The following LHFPL3 variants were observed in gnomAD, a reference collection of about 807,000 sequenced individuals.
LHFPL3 encodes LHFPL tetraspan subfamily member 3 protein.
LHFPL3 carries 5 observed loss-of-function variants against 19.3 expected under a neutral mutation model. That is an observed-to-expected ratio of 0.26 (90% CI 0.14 to 0.54). The LOEUF is 0.54. LHFPL3 is among the 20% of genes least tolerant of loss of function. LHFPL3 has a pLI of 0.94. For synonymous variants in LHFPL3, 133 were observed against 126.2 expected, an observed-to-expected ratio of 1.05 and a Z score of -0.36; for missense variants, 249 against 307.4, an observed-to-expected ratio of 0.81 and a Z score of 1.42.
Position 104,811,162 on chromosome 7 carries a change from CTTTCTTTCTTTTCTTTTCT to C in LHFPL3, c.682+74259_682+74277del, listed in dbSNP as rs371195824. Among the ~76,000 whole-genome samples the C allele has an allele frequency of 8.3e-3, 1,112 of 134,228 alleles. 14 individuals are homozygous for C. Among genetic ancestry groups the C allele is most frequent in the African/African-American group, 0.022 (783 of 35,514 alleles). 88.1% of individuals were successfully genotyped at this position (134,228 alleles called of 152,430 possible). A position where few individuals can be genotyped will look rare whatever the true frequency, so the allele number is the denominator to read the frequency against. On this transcript the variant is annotated intron_variant, in intron 2 of 2. Transcript: ENST00000424859. ...TTCCTTTCTTTCTTTTTCTTTCTTT[CTTTCTTTCTTTTCTTTTCT>C]TTTCTTTTCTTTTCTTTTCTTTTCT...
chr7:104,391,719 A>G (rs1791072631), intron 1 of LHFPL3, among the ~76,000 whole-genome samples: 1 of 152,146 alleles, frequency 6.6e-6, no homozygotes, highest in Admixed American at 6.5e-5. Context: ...CAATTCTGTG[A>G]AGAAAGTCAT....
intron 2 of LHFPL3, among the ~76,000 whole-genome samples, chr7:104,773,206 G>T (rs1247479162): frequency 6.6e-6 from 1 of 152,168 alleles, no homozygotes; most frequent in East Asian, 1.9e-4. Context: ...GGCAGTGAGG[G>T]GCCACTGGCT....
chr7:104,641,708 T>C (rs1473163806), intron 1 of LHFPL3, among the ~76,000 whole-genome samples: 1 of 152,192 alleles, frequency 6.6e-6, no homozygotes, highest in African/African-American at 2.4e-5. Context: ...AAGCTTTATA[T>C]GATAGGAGAA....
intron 1 of LHFPL3, among the ~76,000 whole-genome samples, chr7:104,343,783 T>C (rs1790009795): frequency 6.6e-6 from 1 of 151,922 alleles, no homozygotes; most frequent in African/African-American, 2.4e-5. Context: ...ACCATTTGTG[T>C]ACCTGCTACC....
At chr7:104,706,043 C>T (rs1321183216) in intron 1 of LHFPL3, among the ~76,000 whole-genome samples, 1 of 152,206 alleles carries the variant, frequency 6.6e-6, no homozygotes, top group Admixed American at 6.5e-5. Context: ...CCAGCAGCAT[C>T]ATTTTGTTCA....
chr7:104,636,179 T>G (rs2069940709), intron 1 of LHFPL3, among the ~76,000 whole-genome samples: 1 of 152,126 alleles, frequency 6.6e-6, no homozygotes, highest in Admixed American at 6.5e-5. Flanking sequence ...AGGAAGAATA[T>G]TCACCTACCA....
At chr7:104,697,720 T>A (rs1243045833) in intron 1 of LHFPL3, among the ~76,000 whole-genome samples, 1 of 152,256 alleles carries the variant, frequency 6.6e-6, no homozygotes, top group African/African-American at 2.4e-5. Context: ...GTCTTTATAA[T>A]TGAGTTTTAC....
intron 1 of LHFPL3, among the ~76,000 whole-genome samples, chr7:104,499,246 A>G (rs1020083461): frequency 3.3e-5 from 5 of 152,228 alleles, no homozygotes; most frequent in African/African-American, 4.8e-5. Context: ...TAATGTTAGA[A>G]ACACCACTTA....
At chr7:104,595,774 GC>G (rs1312143455) in intron 1 of LHFPL3, among the ~76,000 whole-genome samples, 1 of 152,228 alleles carries the variant, frequency 6.6e-6, no homozygotes, top group East Asian at 1.9e-4. Context: ...AATGGCAGAC[GC>G]CCCTCCCCCA....
intron 1 of LHFPL3, among the ~76,000 whole-genome samples, chr7:104,409,662 A>G (rs1033872436): frequency 1.3e-5 from 2 of 152,166 alleles, no homozygotes; most frequent in Non-Finnish European, 2.9e-5. Flanking sequence ...AAAATACTGA[A>G]AAGTTAAGAA....
At position 104,836,635 on chromosome 7, in the gene LHFPL3, C is replaced by T. The variant is rs192150692; in HGVS notation, c.683-69552C>T. Among the ~76,000 whole-genome samples, 10 of 152,264 alleles carry T rather than the reference C, an allele frequency of 6.6e-5. No homozygotes were observed. In the East Asian group the frequency reaches 7.7e-4, roughly 12 times the overall value. The stretch of plus-strand genomic sequence containing the variant: ...TCCAGGAAAGATCATATCAGGGCTA[C>T]GGTGCCATGAAGGTTGGGTCCTACA... On this transcript the variant is annotated intron_variant, in intron 2 of 2. Transcript: ENST00000424859.
At chr7:104,563,961 T>C (rs560377130) in intron 1 of LHFPL3, among the ~76,000 whole-genome samples, 4 of 152,324 alleles carry the variant, frequency 2.6e-5, no homozygotes, top group African/African-American at 9.6e-5. Flanking sequence ...CTTTCTGCCA[T>C]AGAAAATACC....
intron 2 of LHFPL3, among the ~76,000 whole-genome samples, chr7:104,822,592 G>C (rs1790696291): frequency 6.6e-6 from 1 of 152,148 alleles, no homozygotes; most frequent in Non-Finnish European, 1.5e-5. Context: ...TGCCACATGA[G>C]AGTGAAAATT....
At chr7:104,449,541 A>G (rs1792392410) in intron 1 of LHFPL3, among the ~76,000 whole-genome samples, 1 of 152,212 alleles carries the variant, frequency 6.6e-6, no homozygotes, top group African/African-American at 2.4e-5. Context: ...CCCTTGTTGC[A>G]TTTAGTAACT....
chr7:104,500,885 G>T (rs1793587125), intron 1 of LHFPL3, among the ~76,000 whole-genome samples: 1 of 152,126 alleles, frequency 6.6e-6, no homozygotes, highest in Non-Finnish European at 1.5e-5. Context: ...CCTTTCAAAT[G>T]CCTTCTCATC....
At chr7:104,860,033 A>C (rs1034682007) in intron 2 of LHFPL3, among the ~76,000 whole-genome samples, 2 of 152,216 alleles carry the variant, frequency 1.3e-5, no homozygotes, top group Non-Finnish European at 2.9e-5. Context: ...AGCATAAACT[A>C]TGATGTGATA....
intron 1 of LHFPL3, among the ~76,000 whole-genome samples, chr7:104,374,814 C>T (rs1562878463): frequency 6.6e-6 from 1 of 152,046 alleles, no homozygotes; most frequent in Non-Finnish European, 1.5e-5. Flanking sequence ...TTAGGGCAGG[C>T]TTTATGTGTT....
intron 2 of LHFPL3, among the ~76,000 whole-genome samples, chr7:104,737,763 A>T (rs924184535): frequency 6.6e-6 from 1 of 152,188 alleles, no homozygotes; most frequent in East Asian, 1.9e-4. Flanking sequence ...CACTTACATT[A>T]TCACCTTTAG....
chr7:104,695,489 A>G (rs781748173), intron 1 of LHFPL3, among the ~76,000 whole-genome samples: 2 of 152,222 alleles, frequency 1.3e-5, no homozygotes, highest in Non-Finnish European at 2.9e-5. Context: ...TCTGATAAAA[A>G]CAAGTAGCTG....
Sources: allele counts gnomAD v4.1 joint callset (sites outside exome capture counted in the v4.1 genomes callset), GRCh38; gene constraint gnomAD v4.1.1; transcripts MANE v1.5; gene names NCBI Gene and HGNC (gene_info 2026-07-23, HGNC 2026-07-21).